The following GPRC6A variants were observed in gnomAD, a reference collection of about 807,000 sequenced individuals.
GPRC6A encodes G protein-coupled receptor family C group 6 member A.
In GPRC6A, 54 loss-of-function variants were observed where a neutral mutation model predicts 47.0. The observed-to-expected ratio is 1.15, with a 90% CI of 0.92 to 1.44. The LOEUF is 1.44. Among genes scored for constraint, GPRC6A ranks in the 40% most tolerant of loss-of-function variants. GPRC6A has a pLI of 0.00. For missense variants in GPRC6A, 1,112 were observed against 1,105.5 expected (o/e 1.01, Z -0.08); for synonymous variants, 347 against 377.1 (o/e 0.92, Z 0.93).
intron 3 of GPRC6A, among the ~76,000 whole-genome samples, chr6:116,804,846 A>G (rs1456694714): frequency 1.3e-5 from 2 of 152,014 alleles, no homozygotes; most frequent in Non-Finnish European, 2.9e-5. Flanking sequence ...TTATATAACC[A>G]TCCCCCGCTC....
chr6:116,795,087 G>T (rs138083542), intron 5 of GPRC6A, among the ~76,000 whole-genome samples: 12 of 152,196 alleles, frequency 7.9e-5, no homozygotes, highest in Non-Finnish European at 1.5e-4. Context: ...GGCTCCTAAG[G>T]CTGCTGACCT....
rs374630779 is a variant in GPRC6A, at chr6:116,793,041, C to T, written c.1882G>A (p.Gly628Arg). Residue 628 changes from glycine to arginine, a missense_variant, in exon 6 of 6, where the codon GGG (glycine) becomes AGG (arginine). Transcript: ENST00000310357. Reference protein sequence around the residue: ...NLNTPVVKSSGGLRVCYVILL... With the variant: ...NLNTPVVKSSRGLRVCYVILL... ...ATCACATAGCAGACTCTTAATCCCC[C>T]GGATGATTTCACAACAGGTGTGTTC... 43 of 1,613,806 alleles carry T rather than the reference C, an allele frequency of 2.7e-5. No homozygotes were observed. In the Middle Eastern group the frequency reaches 4.9e-4, roughly 19 times the overall value.
Position 116,792,975 on chromosome 6 carries a change from A to T in GPRC6A, c.1948T>A (p.Phe650Ile), listed in dbSNP as rs1331776856. The T allele has an allele frequency of 6.2e-7, 1 of 1,613,972 alleles. No individual in the cohort carries two copies. The highest frequency in any genetic ancestry group is 2.2e-5 in the East Asian group (1 of 44,894). Residue 650 changes from phenylalanine to isoleucine, a missense_variant, in exon 6 of 6, where the codon TTC (phenylalanine) becomes ATC (isoleucine). Coordinates refer to ENST00000310357, the MANE Select transcript of GPRC6A (RefSeq NM_148963.4). Reference sequence around the variant, plus strand: ...GTGAAGTCTTGTGGTTCTCCAATGAAAAAGCTCGTGCTGGCAAAATTGAGG... The same window carrying T: ...GTGAAGTCTTGTGGTTCTCCAATGATAAAGCTCGTGCTGGCAAAATTGAGG... ...HFLNFASTSFFIGEPQDFTCK... is the reference protein window; with the variant it reads ...HFLNFASTSFIIGEPQDFTCK...
intron 1 of GPRC6A, among the ~76,000 whole-genome samples, chr6:116,819,009 G>A (rs1582475775): frequency 1.3e-5 from 2 of 152,208 alleles, no homozygotes; most frequent in African/African-American, 4.8e-5. Context: ...AAGGATGGAC[G>A]AAGATCTACC....
At position 116,792,136 on chromosome 6, in the gene GPRC6A, G is replaced by T. The variant is rs756480809; in HGVS notation, c.*6C>A. 2 of 1,607,010 alleles carry T rather than the reference G, an allele frequency of 1.2e-6. No individual in the cohort carries two copies. Among genetic ancestry groups the T allele is most frequent in the African/African-American group, 1.3e-5 (1 of 74,920 alleles). ...ATTCTGGAATGTGGCATCTCCTAAG[G>T]CTTATTCATATACTTGACATTCTTT... is the stretch of plus-strand genomic sequence containing the variant. On this transcript the variant is annotated 3_prime_UTR_variant, in exon 6 of 6. Transcript: ENST00000310357.
chr6:116,811,314 A>C (rs1773017390), intron 1 of GPRC6A, among the ~76,000 whole-genome samples: 1 of 152,122 alleles, frequency 6.6e-6, no homozygotes, highest in Non-Finnish European at 1.5e-5. Flanking sequence ...CCCCTACAAA[A>C]ACAAATTTTT....
chr6:116,822,688 A>T (rs1432859895), intron 1 of GPRC6A, among the ~76,000 whole-genome samples: 3 of 135,584 alleles, frequency 2.2e-5, no homozygotes, highest in African/African-American at 8.2e-5. Context: ...AGGAAGGGGA[A>T]TATCACACTC....
At chr6:116,801,895 G>T (rs1217696468) in intron 3 of GPRC6A, among the ~76,000 whole-genome samples, 1 of 151,820 alleles carries the variant, frequency 6.6e-6, no homozygotes, top group African/African-American at 2.4e-5. Context: ...GCAATTGCCT[G>T]GAAGAAAAAA....
chr6:116,827,984 G>A (rs1450750538), intron 1 of GPRC6A, among the ~76,000 whole-genome samples: 1 of 152,084 alleles, frequency 6.6e-6, no homozygotes, highest in East Asian at 1.9e-4. Flanking sequence ...GAATTTTAGA[G>A]TTGGAAGGAA....
At chr6:116,826,988 G>A (rs1181089730) in intron 1 of GPRC6A, among the ~76,000 whole-genome samples, 1 of 151,928 alleles carries the variant, frequency 6.6e-6, no homozygotes. Flanking sequence ...ATATGTGGGA[G>A]CTAAAATCAT....
intron 1 of GPRC6A, among the ~76,000 whole-genome samples, chr6:116,813,910 A>G (rs1773116537): frequency 6.6e-6 from 1 of 152,226 alleles, no homozygotes. Flanking sequence ...ACAAATTTAC[A>G]AGAAAAAACA....
chr6:116,796,887 TTTA>T (rs776590268), intron 4 of GPRC6A, among the ~76,000 whole-genome samples: 2 of 152,128 alleles, frequency 1.3e-5, no homozygotes, highest in Non-Finnish European at 2.9e-5. Flanking sequence ...TATTTATTTA[TTTA>T]TTATTATTAT....
In GPRC6A at chr6:116,807,055, T is replaced by A; in HGVS notation, c.650A>T (p.Asp217Val). The A allele has an allele frequency of 6.2e-7, 1 of 1,613,800 alleles. No homozygotes were observed. Among genetic ancestry groups the A allele is most frequent in the South Asian group, 1.1e-5 (1 of 91,064 alleles). The change falls in exon 3 of 6, where the codon GAT becomes GTT. Residue 217 changes from aspartate (D) to valine (V), a missense_variant. Physicochemically the swap from Asp to Val is radical, Grantham distance 152. Coordinates refer to ENST00000310357, the MANE Select transcript of GPRC6A (RefSeq NM_148963.4). ...GWNWIGIITT[D>V]DDYGRLALNT... ...AAGAGCCAATCGTCCATAGTCATCA[T>A]CTGTGGTTATGATGCCAATCCAGTT...
chr6:116,825,965 C>T (rs866317017), intron 1 of GPRC6A, among the ~76,000 whole-genome samples: 8 of 151,644 alleles, frequency 5.3e-5, no homozygotes, highest in African/African-American at 1.7e-4. Context: ...TTCAATAAAT[C>T]GTACAGGGAA....
chr6:116,813,311 GC>G (rs1480003245), intron 1 of GPRC6A, among the ~76,000 whole-genome samples: 2 of 152,056 alleles, frequency 1.3e-5, no homozygotes, highest in Non-Finnish European at 2.9e-5. Flanking sequence ...ATAATCCTAA[GC>G]AAAAAGAACA....
intron 5 of GPRC6A, 77 bp from the exon 6 acceptor site, chr6:116,793,327 C>T (rs1020470592): frequency 1.9e-5 from 19 of 1,014,880 alleles, no homozygotes; most frequent in East Asian, 2.6e-5. Flanking sequence ...AAATGAGATT[C>T]GTCTTCTTTA....
At chr6:116,818,279 A>G (rs1417586269) in intron 1 of GPRC6A, among the ~76,000 whole-genome samples, 3 of 151,914 alleles carry the variant, frequency 2.0e-5, no homozygotes, top group Non-Finnish European at 4.4e-5. Flanking sequence ...TCACGCCTGT[A>G]ATCCCAGCAC....
At chr6:116,824,970 G>T (rs1287470222) in intron 1 of GPRC6A, among the ~76,000 whole-genome samples, 1 of 151,916 alleles carries the variant, frequency 6.6e-6, no homozygotes, top group African/African-American at 2.4e-5. Flanking sequence ...CACATCAACA[G>T]GATGAAGGAC....
At chr6:116,818,074 A>C (rs1164455728) in intron 1 of GPRC6A, among the ~76,000 whole-genome samples, 1 of 152,152 alleles carries the variant, frequency 6.6e-6, no homozygotes, top group East Asian at 1.9e-4. Flanking sequence ...CAAGACATGT[A>C]ATTGTCAGAT....
Sources: gnomAD v4.1 joint callset for allele counts (sites outside exome capture counted in the v4.1 genomes callset) on GRCh38, gnomAD v4.1.1 for gene constraint, MANE v1.5 for transcripts, NCBI Gene and HGNC (gene_info 2026-07-23, HGNC 2026-07-21) for gene names.